MYH13: variants seen among roughly 807,000 people sequenced by gnomAD.
MYH13 encodes the protein myosin heavy chain 13, also known as myosin-13.
MYH13 carries 177 observed loss-of-function variants against 232.1 expected under a neutral mutation model. The observed-to-expected ratio is 0.76, with a 90% confidence interval of 0.67 to 0.86. MYH13 has a LOEUF of 0.86. Ranked by LOEUF, MYH13 falls within the 40% of genes least tolerant of loss-of-function variation. MYH13 has a pLI of 0.00. For missense variants in MYH13, 2,246 were observed against 2,405.9 expected (o/e 0.93, Z 1.39); for synonymous variants, 884 against 923.5 (o/e 0.96, Z 0.78).
intron 12 of MYH13, among the ~76,000 whole-genome samples, chr17:10,347,759 C>T (rs2142262201): frequency 8.2e-6 from 1 of 122,596 alleles, no homozygotes; most frequent in Non-Finnish European, 1.6e-5. Context: ...CTCAATGTTG[C>T]CCAGGCTGGA....
chr17:10,334,712 C>G (rs749279121), intron 18 of MYH13, among the ~76,000 whole-genome samples: 24 of 152,064 alleles, frequency 1.6e-4, no homozygotes, highest in Non-Finnish European at 2.8e-4. Flanking sequence ...AACTCCATCT[C>G]TACTAAAAAT....
At position 10,306,741 on chromosome 17, in the gene MYH13, G is replaced by A. The variant is rs1906300395; in HGVS notation, c.5296-112C>T. 6.5e-7 allele frequency: 1 copy of A among 1,536,098 alleles called. No individual in the cohort carries two copies. The highest frequency in any genetic ancestry group is 1.2e-5 in the South Asian group (1 of 80,100). On this transcript the variant is annotated intron_variant, in intron 36 of 40. Coordinates refer to ENST00000252172, the MANE Select transcript of MYH13 (RefSeq NM_003802.3). This position sits in a 1 kb window ranked among gnomAD's most constrained non-coding sequence, Gnocchi z 4.3. ...TGCTGAGCCTCCCCTGTCTGACTGG[G>A]GCCAGTCATTGCTGATTCCCCACAG... is the stretch of plus-strand genomic sequence containing the variant.
At chr17:10,355,018 T>C in intron 9 of MYH13, 25 bp from the exon 10 acceptor site, 3 of 1,610,400 alleles carry the variant, frequency 1.9e-6, no homozygotes, top group Non-Finnish European at 2.5e-6. Context: ...ATAACGTGAT[T>C]TCAGGCTCCC....
At chr17:10,351,487 C>A (rs1475825859) in intron 11 of MYH13, among the ~76,000 whole-genome samples, 1 of 152,124 alleles carries the variant, frequency 6.6e-6, no homozygotes, top group Non-Finnish European at 1.5e-5. Context: ...ATCATCATTT[C>A]CCAAATGAGA....
rs776215599 is a variant in MYH13 at position 10,312,560 on chromosome 17, G to A, written c.4365+14C>T. 14 of 1,604,346 alleles carry A rather than the reference G, an allele frequency of 8.7e-6. No individual in the cohort carries two copies. Among genetic ancestry groups the A allele is most frequent in the Admixed American group, 3.4e-5 (2 of 58,324 alleles). ...CTCATGCCATCTTCACAAAGAAAGCGGCTGGGGAAGGACCTTGTCGAAGTT... is the reference window on the plus strand; with the variant it reads ...CTCATGCCATCTTCACAAAGAAAGCAGCTGGGGAAGGACCTTGTCGAAGTT... On this transcript the variant is annotated intron_variant, in intron 31 of 40. Transcript: ENST00000252172.
At chr17:10,367,492 G>A (rs1279047261) in intron 2 of MYH13, among the ~76,000 whole-genome samples, 2 of 151,986 alleles carry the variant, frequency 1.3e-5, no homozygotes, top group African/African-American at 4.8e-5. Context: ...GGGATTATAG[G>A]TGCCCACCAC....
chr17:10,324,761 T>TTTTTG (rs1907141210), intron 22 of MYH13: 2 of 88,756 alleles, frequency 2.3e-5, no homozygotes, highest in Non-Finnish European at 5.9e-5. Context: ...TACATGTTTT[T>TTTTTG]TTTTTTTTTT....
intron 11 of MYH13, among the ~76,000 whole-genome samples, chr17:10,351,012 G>T (rs756193557): frequency 6.6e-6 from 1 of 151,864 alleles, no homozygotes; most frequent in Non-Finnish European, 1.5e-5. Context: ...ACGAGGTCAG[G>T]AGTTTGAGAC....
chr17:10,336,786 G>A (rs1051899092), intron 18 of MYH13, among the ~76,000 whole-genome samples: 14 of 152,078 alleles, frequency 9.2e-5, no homozygotes, highest in Admixed American at 2.0e-4. Context: ...ATGCTACCTC[G>A]CCTGCTCCAT....
chr17:10,324,374 TCATGCACACA>T (rs1907119679), intron 22 of MYH13, 110 bp from the exon 23 acceptor site: 2 of 1,353,412 alleles, frequency 1.5e-6, no homozygotes, highest in Non-Finnish European at 2.0e-6. Flanking sequence ...AAGAAATGGG[TCATGCACACA>T]CATGCACGCA....
At chr17:10,309,145 G>T in intron 35 of MYH13, 89 bp downstream of exon 35, 1 of 1,361,068 alleles carries the variant, frequency 7.3e-7, no homozygotes, top group South Asian at 1.4e-5. Context: ...TGGGCCCTGA[G>T]TGGAGGGATA....
chr17:10,318,819 T>C lies in MYH13; in HGVS notation c.3709A>G (p.Ser1237Gly). The C allele has an allele frequency of 2.5e-6, 4 of 1,614,124 alleles. No homozygotes were observed. Among genetic ancestry groups the C allele is most frequent in the Non-Finnish European group, 3.4e-6 (4 of 1,180,008 alleles). Reference protein sequence around the residue: ...ELKMEIDDMASNIEALSKSKS... With the variant: ...ELKMEIDDMAGNIEALSKSKS... ...GACTTGGAGAGAGCCTCGATGTTGC[T>C]GGCCATGTCGTCAATCTCCATCTTC... Residue 1237 changes from serine (S) to glycine (G), a missense_variant, in exon 27 of 41, where the codon AGC becomes GGC. Coordinates refer to ENST00000252172, the MANE Select transcript of MYH13 (RefSeq NM_003802.3).
intron 15 of MYH13, 135 bp downstream of exon 15, chr17:10,345,067 A>G: frequency 7.5e-7 from 1 of 1,340,680 alleles, no homozygotes; most frequent in Non-Finnish European, 1.0e-6. Context: ...CTTTGCAAAT[A>G]GGCATTCAGT....
intron 37 of MYH13, among the ~76,000 whole-genome samples, chr17:10,303,965 T>A (rs181279508): frequency 6.6e-6 from 1 of 152,150 alleles, no homozygotes; most frequent in African/African-American, 2.4e-5. Context: ...GTTCATGTCC[T>A]TTTCAGGGAC....
At position 10,300,867 on chromosome 17, in the gene MYH13, C is replaced by A; in HGVS notation, c.*84G>T. On this transcript the variant is annotated 3_prime_UTR_variant, in exon 41 of 41. Coordinates refer to ENST00000252172, the MANE Select transcript of MYH13 (RefSeq NM_003802.3). ...AATAAACACAGCAGAGCCGGGAATC[C>A]GAGTATTTAGGAGAATTTATTTCTC... The A allele has an allele frequency of 7.3e-7, 1 of 1,376,880 alleles. No individual in the cohort carries two copies. Among genetic ancestry groups the A allele is most frequent in the South Asian group, 1.2e-5 (1 of 84,848 alleles). 85.3% of individuals were successfully genotyped at this position (1,376,880 alleles called of 1,614,324 possible).
intron 8 of MYH13, among the ~76,000 whole-genome samples, 189 bp from the exon 9 acceptor site, chr17:10,355,336 G>T (rs1469138658): frequency 2.0e-5 from 3 of 152,112 alleles, no homozygotes; most frequent in Non-Finnish European, 2.9e-5. Flanking sequence ...GAGTAGGGAG[G>T]GGCCAATCTG....
intron 5 of MYH13, 144 bp downstream of exon 5, chr17:10,361,974 T>C (rs2071797449): frequency 1.1e-5 from 17 of 1,484,062 alleles, no homozygotes; most frequent in Middle Eastern, 2.4e-4. Flanking sequence ...GAAGATGTTG[T>C]ACCCTTTGCT....
intron 24 of MYH13, among the ~76,000 whole-genome samples, chr17:10,320,837 C>T (rs1278471066): frequency 6.6e-6 from 1 of 152,214 alleles, no homozygotes; most frequent in Non-Finnish European, 1.5e-5. Flanking sequence ...CTTCTGTGGA[C>T]AGCACTGTGA....
rs1342575418 is a variant in MYH13, at chr17:10,340,373, C to G, written c.1923G>C (p.Gly641=). The change falls in exon 17 of 41, where the codon GGG becomes GGC. Residue 641 remains glycine, a synonymous_variant. Transcript: ENST00000252172. ...TCTGGAAAGAGGAGCCCTTCTTCTT[C>G]CCGCCCTTCTTGCTTCCTCCGGAGT... ...TGDSGGSKKG[G]KKKGSSFQTV... 3.1e-6 allele frequency: 5 copies of G among 1,613,910 alleles called. No homozygotes were observed. The highest frequency in any genetic ancestry group is 1.7e-4 in the Middle Eastern group (1 of 6,046).
Sources: gnomAD v4.1 joint callset for allele counts (sites outside exome capture counted in the v4.1 genomes callset) on GRCh38, gnomAD v4.1.1 for gene constraint, Gnocchi (gnomAD v3.1) non-coding constraint, MANE v1.5 for transcripts, NCBI Gene and HGNC (gene_info 2026-07-23, HGNC 2026-07-21) for gene names.